The following HDAC9 variants were observed in gnomAD, a reference collection of about 807,000 sequenced individuals.
The protein encoded by HDAC9 is histone deacetylase 9.
HDAC9 carries 41 observed loss-of-function variants against 139.4 expected under a neutral mutation model. That is an observed-to-expected ratio of 0.29 (90% confidence interval 0.23 to 0.38). The LOEUF is 0.38. HDAC9 is among the 10% of genes least tolerant of loss of function. The pLI is 1.00. For synonymous variants in HDAC9, 517 were observed against 476.2 expected, an observed-to-expected ratio of 1.09 and a Z score of -1.12; for missense variants, 1,147 against 1,297.0, an observed-to-expected ratio of 0.88 and a Z score of 1.78.
At chr7:18,758,016 A>G (rs1026540643) in intron 14 of HDAC9, among the ~76,000 whole-genome samples, 1 of 152,198 alleles carries the variant, frequency 6.6e-6, no homozygotes, top group Non-Finnish European at 1.5e-5. Context: ...CTCAGTGAGC[A>G]TAGCTCCTTT....
chr7:18,478,667 A>G (rs1795314827), intron 1 of HDAC9, among the ~76,000 whole-genome samples: 1 of 152,212 alleles, frequency 6.6e-6, no homozygotes, highest in Admixed American at 6.5e-5. Flanking sequence ...ACAAAATACA[A>G]AGTATTGCTA....
At chr7:18,819,290 T>A (rs1235094613) in intron 17 of HDAC9, among the ~76,000 whole-genome samples, 2 of 152,054 alleles carry the variant, frequency 1.3e-5, no homozygotes, top group African/African-American at 4.8e-5. Flanking sequence ...AAAATAATAA[T>A]AATAATAAAT....
At chr7:18,696,717 C>T (rs900140389) in intron 12 of HDAC9, among the ~76,000 whole-genome samples, 5 of 152,120 alleles carry the variant, frequency 3.3e-5, no homozygotes, top group Admixed American at 3.3e-4. Flanking sequence ...ATCAGCCCAC[C>T]TCGGCCTCCC....
At position 18,372,863 on chromosome 7, in the gene HDAC9, G is replaced by A. The variant is rs561216986; in HGVS notation, c.-42+82348G>A. The stretch of plus-strand genomic sequence containing the variant: ...ACAAGGCATTTGGTACAGGCAAACA[G>A]AGGTATTAACCATATAACAGATTTC... On this transcript the variant is annotated intron_variant, in intron 1 of 3. Coordinates refer to the HDAC9 transcript ENST00000413509. 3.3e-5 allele frequency among the ~76,000 whole-genome samples: 5 copies of A among 152,312 alleles called. No homozygotes were observed. In the East Asian group the frequency reaches 9.6e-4, roughly 29 times the overall value.
At chr7:18,452,341 A>G (rs1360024466) in intron 1 of HDAC9, among the ~76,000 whole-genome samples, 1 of 152,138 alleles carries the variant, frequency 6.6e-6, no homozygotes, top group Non-Finnish European at 1.5e-5. Context: ...ACATACGCGT[A>G]TGACACTCTG....
intron 22 of HDAC9, among the ~76,000 whole-genome samples, chr7:18,904,654 C>T (rs996310407): frequency 2.1e-5 from 3 of 142,296 alleles, no homozygotes; most frequent in Admixed American, 1.5e-4. Context: ...CCGCTCACTG[C>T]AAGCTCCGCC....
intron 1 of HDAC9, among the ~76,000 whole-genome samples, chr7:18,346,123 T>A (rs1184580728): frequency 1.3e-5 from 2 of 152,166 alleles, no homozygotes; most frequent in Non-Finnish European, 2.9e-5. Flanking sequence ...CAGATCATTT[T>A]GCTAAAGAAA....
intron 2 of HDAC9, among the ~76,000 whole-genome samples, chr7:18,202,852 G>A (rs914914861): frequency 7.9e-5 from 12 of 152,130 alleles, no homozygotes; most frequent in Admixed American, 7.2e-4. Flanking sequence ...GTTGCCATGG[G>A]CTCAGGAGCC....
chr7:18,991,629 T>A (rs1160216778), intron 25 of HDAC9, among the ~76,000 whole-genome samples: 3 of 148,228 alleles, frequency 2.0e-5, no homozygotes, highest in Non-Finnish European at 4.4e-5. Context: ...AGTGAGAGAC[T>A]CCGTCTCAAA....
chr7:18,601,718 A>G (rs1017219715), intron 6 of HDAC9, among the ~76,000 whole-genome samples: 1 of 152,186 alleles, frequency 6.6e-6, no homozygotes, highest in Non-Finnish European at 1.5e-5. Context: ...TTCTGTATCA[A>G]CTGATATAAT....
chr7:18,703,577 C>G (rs560373724), intron 12 of HDAC9, among the ~76,000 whole-genome samples: 1 of 152,082 alleles, frequency 6.6e-6, no homozygotes, highest in Non-Finnish European at 1.5e-5. Flanking sequence ...GGCATGTTTC[C>G]TATTCTATCA....
chr7:18,410,065 A>G (rs534057429), intron 1 of HDAC9, among the ~76,000 whole-genome samples: 2 of 152,196 alleles, frequency 1.3e-5, no homozygotes, highest in South Asian at 4.1e-4. Flanking sequence ...TATCATCATA[A>G]TCTTAATATA....
chr7:18,246,703 C>T (rs537941271), intron 2 of HDAC9, among the ~76,000 whole-genome samples: 1 of 152,052 alleles, frequency 6.6e-6, no homozygotes, highest in Non-Finnish European at 1.5e-5. Context: ...ACTGTAAGAA[C>T]TATGACTTTT....
intron 7 of HDAC9, among the ~76,000 whole-genome samples, chr7:18,630,954 A>T (rs1782136168): frequency 6.6e-6 from 1 of 152,150 alleles, no homozygotes; most frequent in South Asian, 2.1e-4. Context: ...AAACTTCTAG[A>T]AAAGACAAAA....
At chr7:18,935,127 C>G in intron 22 of HDAC9, among the ~76,000 whole-genome samples, 1 of 152,086 alleles carries the variant, frequency 6.6e-6, no homozygotes, top group East Asian at 1.9e-4. Flanking sequence ...TGATCTCCCA[C>G]AAGGAGGAGG....
intron 2 of HDAC9, among the ~76,000 whole-genome samples, chr7:18,166,821 A>G (rs867951655): frequency 3.3e-5 from 5 of 152,330 alleles, no homozygotes; most frequent in Middle Eastern, 3.4e-3. Context: ...AACCAGGACA[A>G]AGCTACAAAC....
At chr7:18,670,157 A>T (rs1208982590) in intron 12 of HDAC9, among the ~76,000 whole-genome samples, 1 of 151,964 alleles carries the variant, frequency 6.6e-6, no homozygotes, top group Non-Finnish European at 1.5e-5. Flanking sequence ...GTTTACAATG[A>T]TAAATAGTTT....
intron 2 of HDAC9, among the ~76,000 whole-genome samples, chr7:18,499,096 G>A (rs1416837630): frequency 6.6e-6 from 1 of 151,996 alleles, no homozygotes; most frequent in Non-Finnish European, 1.5e-5. Context: ...GTGTGTGTGT[G>A]TGTGTGTTCT....
intron 2 of HDAC9, among the ~76,000 whole-genome samples, chr7:18,173,731 G>C (rs1029285865): frequency 6.6e-6 from 1 of 152,132 alleles, no homozygotes; most frequent in African/African-American, 2.4e-5. Flanking sequence ...ATGAAATTCT[G>C]GGTTGAAAAT....
Sources: gnomAD v4.1 joint callset for allele counts (sites outside exome capture counted in the v4.1 genomes callset) on GRCh38, gnomAD v4.1.1 for gene constraint, MANE v1.5 for transcripts, NCBI Gene and HGNC (gene_info 2026-07-23, HGNC 2026-07-21) for gene names.